The following NUDCD1 variants were observed in gnomAD, a reference collection of about 807,000 sequenced individuals.
NUDCD1 encodes NudC domain containing 1, also known as nudC domain-containing protein 1.
NUDCD1 carries 60 observed loss-of-function variants against 67.8 expected under a neutral mutation model. The observed-to-expected ratio is 0.88, with a 90% CI of 0.72 to 1.10. NUDCD1 has a LOEUF of 1.10. NUDCD1 is among the 50% of genes least tolerant of loss of function. NUDCD1 has a pLI of 0.00. For missense variants in NUDCD1, 643 were observed against 695.0 expected, an observed-to-expected ratio of 0.93 and a Z score of 0.84; for synonymous variants, 244 against 230.8, an observed-to-expected ratio of 1.06 and a Z score of -0.52.
At chr8:109,323,229 C>A (rs1456276563) in intron 1 of NUDCD1, among the ~76,000 whole-genome samples, 3 of 152,162 alleles carry the variant, frequency 2.0e-5, no homozygotes, top group Non-Finnish European at 4.4e-5. Context: ...GGCCAATATC[C>A]TACCCTAATA....
At chr8:109,263,891 C>T (rs1346630395) in intron 8 of NUDCD1, among the ~76,000 whole-genome samples, 1 of 152,114 alleles carries the variant, frequency 6.6e-6, no homozygotes, top group Non-Finnish European at 1.5e-5. Context: ...AATAATAGCA[C>T]CACATACTAG....
chr8:109,322,540 G>GT (rs1815567456), intron 1 of NUDCD1, 77 bp from the exon 2 acceptor site: 2 of 1,086,424 alleles, frequency 1.8e-6, no homozygotes, highest in African/African-American at 3.2e-5. Context: ...TGCCTACAAG[G>GT]CAAAAAAAAA....
intron 1 of NUDCD1, chr8:109,329,928 A>T (rs762548154): frequency 3.7e-5 from 56 of 1,522,222 alleles, no homozygotes; most frequent in Non-Finnish European, 4.8e-5. Context: ...AAAGTCTATG[A>T]AGTACTGGTT....
rs1330691561 is a variant in NUDCD1, at chr8:109,241,676, T to C, written c.*1333A>G. The C allele has an allele frequency of 6.6e-6, 1 of 152,092 alleles. No individual in the cohort carries two copies. Among genetic ancestry groups the C allele is most frequent in the African/African-American group, 2.5e-5 (1 of 39,274 alleles). 9.4% of individuals were successfully genotyped at this position (152,092 alleles called of 1,614,324 possible). ...TCTGACAAAGGGTTTAGAACATGTA[T>C]GCAATCCTCATCTTTTTTCCTCCTC... On this transcript the variant is annotated 3_prime_UTR_variant, in exon 10 of 10. Transcript: ENST00000239690.
At chr8:109,264,101 A>G (rs1202562810) in intron 8 of NUDCD1, among the ~76,000 whole-genome samples, 1 of 152,230 alleles carries the variant, frequency 6.6e-6, no homozygotes, top group Non-Finnish European at 1.5e-5. Context: ...ATACTAAAGT[A>G]CCATGGTTGT....
chr8:109,263,054 CAAAAAAAAAAAA>C (rs59659347), intron 8 of NUDCD1, among the ~76,000 whole-genome samples: 4 of 42,014 alleles, frequency 9.5e-5, no homozygotes, highest in Admixed American at 4.2e-4. Context: ...GACTCTGTCT[CAAAAAAAAAAAA>C]AAAAAAAAAA....
At chr8:109,322,913 T>C (rs1815575668) in intron 1 of NUDCD1, among the ~76,000 whole-genome samples, 1 of 152,236 alleles carries the variant, frequency 6.6e-6, no homozygotes, top group African/African-American at 2.4e-5. Context: ...TAAAATCTCA[T>C]TATACAGTTA....
At chr8:109,325,634 G>A (rs1251647301) in intron 1 of NUDCD1, among the ~76,000 whole-genome samples, 2 of 152,206 alleles carry the variant, frequency 1.3e-5, no homozygotes, top group Non-Finnish European at 2.9e-5. Context: ...CACACTGGCC[G>A]AAATGCAGAG....
intron 8 of NUDCD1, among the ~76,000 whole-genome samples, chr8:109,257,558 C>T (rs999302995): frequency 6.6e-6 from 1 of 152,012 alleles, no homozygotes; most frequent in African/African-American, 2.4e-5. Flanking sequence ...CAATTAAAAG[C>T]CCCATAGCCA....
chr8:109,318,348 C>G (rs1182902852), intron 2 of NUDCD1, among the ~76,000 whole-genome samples: 1 of 152,318 alleles, frequency 6.6e-6, no homozygotes, highest in Admixed American at 6.5e-5. Flanking sequence ...CTTTATGGTA[C>G]AGCAAATGCT....
At chr8:109,248,257 C>A (rs1586247045) in intron 8 of NUDCD1, among the ~76,000 whole-genome samples, 1 of 152,214 alleles carries the variant, frequency 6.6e-6, no homozygotes, top group African/African-American at 2.4e-5. Context: ...TCCCTACAAA[C>A]CACTTTAGGA....
chr8:109,265,487 C>T (rs1235100560), intron 8 of NUDCD1, among the ~76,000 whole-genome samples: 1 of 152,178 alleles, frequency 6.6e-6, no homozygotes, highest in Non-Finnish European at 1.5e-5. Flanking sequence ...TAACAATGTA[C>T]AGCACTTGCC....
At chr8:109,267,048 A>G (rs888786210) in intron 8 of NUDCD1, among the ~76,000 whole-genome samples, 1 of 152,148 alleles carries the variant, frequency 6.6e-6, no homozygotes, top group Non-Finnish European at 1.5e-5. Context: ...CATTCTACAT[A>G]TACGTTTATG....
At chr8:109,277,050 C>A (rs1223031911) in intron 6 of NUDCD1, among the ~76,000 whole-genome samples, 1 of 152,140 alleles carries the variant, frequency 6.6e-6, no homozygotes, top group African/African-American at 2.4e-5. Context: ...ATAGCTTATA[C>A]TTACCTATAT....
intron 8 of NUDCD1, among the ~76,000 whole-genome samples, chr8:109,269,239 A>G (rs923853777): frequency 1.3e-5 from 2 of 152,210 alleles, no homozygotes; most frequent in African/African-American, 4.8e-5. Context: ...AAGTGTGGTG[A>G]ACAAGAGAGC....
intron 2 of NUDCD1, among the ~76,000 whole-genome samples, chr8:109,301,155 T>C (rs1377973850): frequency 6.6e-6 from 1 of 152,132 alleles, no homozygotes; most frequent in Non-Finnish European, 1.5e-5. Flanking sequence ...CTGAAACAAC[T>C]GAAGATCCAC....
intron 2 of NUDCD1, among the ~76,000 whole-genome samples, chr8:109,308,086 G>A (rs989933557): frequency 3.9e-5 from 6 of 152,168 alleles, no homozygotes; most frequent in African/African-American, 1.4e-4. Flanking sequence ...GGTCTACAAA[G>A]AAACAATGGA....
Position 109,317,478 on chromosome 8 carries a change from G to GT in NUDCD1, c.273+4830dup, listed in dbSNP as rs374421991. ...ATCCTATGCCTCAGTTTCCTCAACT[G>GT]TAAGATGTGGATAATAATAGTATCT... On this transcript the variant is annotated intron_variant, in intron 2 of 9. Coordinates refer to ENST00000239690, the MANE Select transcript of NUDCD1 (RefSeq NM_032869.4). Among the ~76,000 whole-genome samples, 270 of 152,268 alleles carry GT rather than the reference G, an allele frequency of 1.8e-3. 1 individual carries two copies. Among genetic ancestry groups the GT allele is most frequent in the African/African-American group, 6.2e-3 (259 of 41,528 alleles).
intron 1 of NUDCD1, among the ~76,000 whole-genome samples, chr8:109,329,190 G>T (rs907513162): frequency 1.3e-5 from 2 of 151,506 alleles, no homozygotes; most frequent in African/African-American, 4.8e-5. Flanking sequence ...CAATAAAACA[G>T]AAAAAAGTAT....
Sources: allele counts gnomAD v4.1 joint callset (sites outside exome capture counted in the v4.1 genomes callset), GRCh38; gene constraint gnomAD v4.1.1; transcripts MANE v1.5; gene names NCBI Gene and HGNC (gene_info 2026-07-23, HGNC 2026-07-21).